FAM53A: variants seen among roughly 807,000 people sequenced by gnomAD.
FAM53A encodes family with sequence similarity 53 member A, also known as protein FAM53A.
Under a neutral mutation model 26.6 loss-of-function variants are expected in FAM53A, and 28 were observed. The ratio of observed to expected loss-of-function variants is 1.05; its 90% CI spans 0.78 to 1.45. FAM53A has a LOEUF of 1.45. FAM53A is among the 40% of genes most tolerant of loss of function. The pLI is 0.00. For missense variants in FAM53A, 650 were observed against 575.8 expected (o/e 1.13, Z -1.32); for synonymous variants, 290 against 253.1 (o/e 1.15, Z -1.38).
rs186176746 is a variant in FAM53A, at chr4:1,655,635, C to A, written c.225G>T (p.Leu75=). 1.3e-6 allele frequency: 2 copies of A among 1,593,458 alleles called. No homozygotes were observed. The highest frequency in any genetic ancestry group is 4.6e-5 in the East Asian group (2 of 43,800). Residue 75 remains leucine (L), a synonymous_variant, in exon 4 of 5, where the codon CTG becomes CTT. Transcript: ENST00000308132. ...GACCCATGGTGTGAGCGGCAGCAGA[C>A]AGGCCCGGCAGGAAGGAGAAATCAG... is the stretch of plus-strand genomic sequence containing the variant. ...TGPDFSFLPG[L]SAAAHTMGLQ... is the part of the protein sequence containing the mutation.
At position 1,655,689 on chromosome 4, in the gene FAM53A, C is replaced by T. The variant is rs759447563; in HGVS notation, c.171G>A (p.Pro57=). 7.5e-6 allele frequency: 12 copies of T among 1,591,096 alleles called. No individual in the cohort carries two copies. The highest frequency in any genetic ancestry group is 1.7e-4 in the Middle Eastern group (1 of 6,022). The change falls in exon 4 of 5, where the codon CCG becomes CCA. Residue 57 remains proline (P), a synonymous_variant. Transcript: ENST00000308132. The part of the protein sequence containing the change: ...QSPWKVFSGG[P]PVRSQAATGP... The stretch of plus-strand genomic sequence containing the variant: ...CCGTGGCTGCCTGGCTTCTGACGGG[C>T]GGTCCTCCACTGAAGACCTTCCAGG...
downstream of FAM53A, among the ~76,000 whole-genome samples, chr4:1,616,456 C>T (rs371529325): frequency 1.1e-4 from 16 of 151,288 alleles, no homozygotes; most frequent in East Asian, 1.4e-3. Context: ...CACTCCAGCC[C>T]GGGTGTCACA....
intron 1 of FAM53A, among the ~76,000 whole-genome samples, chr4:1,671,792 T>G (rs1714680129): frequency 6.6e-6 from 1 of 152,220 alleles, no homozygotes. Flanking sequence ...CCCTCCTGAT[T>G]GCACAAAGCA....
At chr4:1,676,866 A>G (rs1715081180) in intron 1 of FAM53A, among the ~76,000 whole-genome samples, 1 of 152,188 alleles carries the variant, frequency 6.6e-6, no homozygotes, top group Non-Finnish European at 1.5e-5. Flanking sequence ...TAGGCCACAC[A>G]GTGGGGTCTG....
At chr4:1,652,108 GACAC>G (rs1161271776) in intron 4 of FAM53A, among the ~76,000 whole-genome samples, 3 of 70,156 alleles carry the variant, frequency 4.3e-5, no homozygotes, top group African/African-American at 1.8e-4. Flanking sequence ...ATACACACCA[GACAC>G]ACACACGCCA....
chr4:1,672,245 G>A (rs1411606796), intron 1 of FAM53A, among the ~76,000 whole-genome samples: 2 of 148,846 alleles, frequency 1.3e-5, no homozygotes, highest in Non-Finnish European at 1.5e-5. Flanking sequence ...AGGAACGCAC[G>A]GACCCAGGGA....
chr4:1,677,731 A>G (rs922816733), intron 1 of FAM53A, among the ~76,000 whole-genome samples: 3 of 152,130 alleles, frequency 2.0e-5, no homozygotes, highest in Admixed American at 6.6e-5. Context: ...AGATGGCAAG[A>G]GAACTCACCC....
chr4:1,626,057 C>A (rs1435573423), intron 1 of FAM53A, among the ~76,000 whole-genome samples: 1 of 152,198 alleles, frequency 6.6e-6, no homozygotes, highest in South Asian at 2.1e-4. Flanking sequence ...TGGCTGCCTG[C>A]CAGGGTGCAG....
At chr4:1,639,551 G>C (rs934859721), downstream of FAM53A, among the ~76,000 whole-genome samples, 1 of 152,126 alleles carries the variant, frequency 6.6e-6, no homozygotes, top group African/African-American at 2.4e-5. Flanking sequence ...TCCTGACCCC[G>C]GGCCAGCACA....
At chr4:1,663,379 C>T (rs1713997249) in intron 2 of FAM53A, among the ~76,000 whole-genome samples, 1 of 152,202 alleles carries the variant, frequency 6.6e-6, no homozygotes. Context: ...CACAGAAACT[C>T]ATACATGAAA....
At chr4:1,633,282 A>G (rs1292392364) in intron 1 of FAM53A, among the ~76,000 whole-genome samples, 2 of 152,264 alleles carry the variant, frequency 1.3e-5, no homozygotes, top group Non-Finnish European at 2.9e-5. Context: ...CTAGAAATGA[A>G]TGCAAAGGTC....
chr4:1,635,670 C>G (rs889515713), downstream of FAM53A, among the ~76,000 whole-genome samples: 2 of 152,016 alleles, frequency 1.3e-5, no homozygotes, highest in Non-Finnish European at 2.9e-5. Flanking sequence ...ACGGATCTGC[C>G]GCGCCCACTG....
At chr4:1,644,450 AGC>A in intron 4 of FAM53A, 5 of 1,376,512 alleles carry the variant, frequency 3.6e-6, no homozygotes, top group Non-Finnish European at 4.8e-6. Flanking sequence ...AGCGCCCAAC[AGC>A]GCTAGCGAAG....
chr4:1,597,959 G>T, the FAM53A span, among the ~76,000 whole-genome samples: 1 of 152,254 alleles, frequency 6.6e-6, no homozygotes, highest in Non-Finnish European at 1.5e-5. Flanking sequence ...TCGCACCACT[G>T]CACTCCAGCC....
downstream of FAM53A, among the ~76,000 whole-genome samples, chr4:1,636,847 G>A (rs966322882): frequency 6.6e-6 from 1 of 152,182 alleles, no homozygotes; most frequent in East Asian, 1.9e-4. Context: ...TCCACCCAAA[G>A]GCCAGCCAGG....
intron 1 of FAM53A, among the ~76,000 whole-genome samples, chr4:1,623,965 G>A (rs1216617880): frequency 6.6e-6 from 1 of 151,870 alleles, no homozygotes; most frequent in East Asian, 1.9e-4. Context: ...CCGGGACCCT[G>A]GGGCATACCT....
intron 4 of FAM53A, among the ~76,000 whole-genome samples, chr4:1,650,759 G>A (rs1330262373): frequency 2.7e-5 from 4 of 150,830 alleles, no homozygotes; most frequent in Non-Finnish European, 4.4e-5. Context: ...GCCTCCCAAG[G>A]TGCTGGGATT....
the FAM53A span, among the ~76,000 whole-genome samples, chr4:1,591,401 C>T: frequency 1.3e-5 from 2 of 152,136 alleles, no homozygotes; most frequent in Middle Eastern, 3.2e-3. Flanking sequence ...CCTAAAGAAG[C>T]CAGCCACCCC....
chr4:1,657,698 C>T (rs113606315), intron 2 of FAM53A, among the ~76,000 whole-genome samples: 1,901 of 152,014 alleles, frequency 0.013, 37 homozygotes, highest in African/African-American at 0.042. Flanking sequence ...AGTGCAGTGG[C>T]GCGATCTCGG....
Sources: gnomAD v4.1 joint callset for allele counts (sites outside exome capture counted in the v4.1 genomes callset) on GRCh38, gnomAD v4.1.1 for gene constraint, MANE v1.5 for transcripts, NCBI Gene and HGNC (gene_info 2026-07-23, HGNC 2026-07-21) for gene names.